The following RGS5 variants were observed in gnomAD, a reference collection of about 807,000 sequenced individuals.
The protein encoded by RGS5 is regulator of G protein signaling 5, also known as regulator of G-protein signalling 5.
RGS5 carries 20 observed loss-of-function variants against 18.9 expected under a neutral mutation model. The observed-to-expected ratio is 1.06, with a 90% CI of 0.74 to 1.54. The LOEUF (loss-of-function observed/expected upper bound fraction) is 1.54. Among genes scored for constraint, RGS5 ranks in the 40% most tolerant of loss-of-function variants. RGS5 has a pLI of 0.00. For synonymous variants in RGS5, 57 were observed against 76.2 expected (o/e 0.75, Z 1.31); for missense variants, 201 against 211.8 (o/e 0.95, Z 0.32).
chr1:163,204,914 G>A (rs920592297), upstream of RGS5, among the ~76,000 whole-genome samples: 2 of 152,150 alleles, frequency 1.3e-5, no homozygotes, highest in Non-Finnish European at 2.9e-5. Context: ...ATGTCTTGGC[G>A]AGGGCTAAAA....
intron 2 of RGS5, among the ~76,000 whole-genome samples, chr1:163,288,249 A>C (rs1553227004): frequency 6.6e-6 from 1 of 152,196 alleles, no homozygotes. Flanking sequence ...TATTTAAACA[A>C]AAAGATATAA....
chr1:163,176,315 T>G (rs1160876348), intron 1 of RGS5, among the ~76,000 whole-genome samples: 1 of 152,154 alleles, frequency 6.6e-6, no homozygotes, highest in Non-Finnish European at 1.5e-5. Context: ...CTTAGGACCA[T>G]GGTGGACAGA....
At chr1:163,263,119 G>C (rs1648494121) in intron 2 of RGS5, among the ~76,000 whole-genome samples, 2 of 152,082 alleles carry the variant, frequency 1.3e-5, no homozygotes, top group Admixed American at 1.3e-4. Flanking sequence ...ATGCAGTCTG[G>C]GCAGCTGTAA....
rs142142211 is a variant in RGS5 at position 163,267,938 on chromosome 1, T to C, written c.-281+38295A>G. On this transcript the variant is annotated intron_variant, in intron 2 of 5. Coordinates refer to the RGS5 transcript ENST00000618415. ...GAGCTGAATAATAAATTTTCTCCAA[T>C]TAAAATAATAGCTTGCTCCCAGGTG... Among the ~76,000 whole-genome samples the C allele has an allele frequency of 2.4e-4, 37 of 152,248 alleles. No individual in the cohort carries two copies. The East Asian group carries it at 6.2e-3, about 25-fold the overall frequency.
intron 1 of RGS5, among the ~76,000 whole-genome samples, chr1:163,177,486 G>T (rs1658606414): frequency 6.6e-6 from 1 of 152,144 alleles, no homozygotes; most frequent in Non-Finnish European, 1.5e-5. Flanking sequence ...ATTATGCATA[G>T]GGTGGTCTTG....
chr1:163,154,016 C>T (rs1427694896), intron 3 of RGS5, among the ~76,000 whole-genome samples: 1 of 152,122 alleles, frequency 6.6e-6, no homozygotes, highest in Non-Finnish European at 1.5e-5. Flanking sequence ...CTTTGCCCCC[C>T]AGGGCAGAAG....
intron 2 of RGS5, among the ~76,000 whole-genome samples, chr1:163,246,273 G>A (rs1010596920): frequency 2.1e-5 from 3 of 145,778 alleles, no homozygotes; most frequent in Non-Finnish European, 4.5e-5. Flanking sequence ...CAATAAAAAA[G>A]AATAGCCAAG....
chr1:163,209,263 A>G (rs1660042524), intron 1 of RGS5, among the ~76,000 whole-genome samples: 1 of 152,186 alleles, frequency 6.6e-6, no homozygotes, highest in Non-Finnish European at 1.5e-5. Flanking sequence ...TTTCTGAACT[A>G]TTCTTTTCCA....
chr1:163,199,824 A>G (rs1176314839), intron 1 of RGS5, among the ~76,000 whole-genome samples: 1 of 151,982 alleles, frequency 6.6e-6, no homozygotes, highest in Non-Finnish European at 1.5e-5. Flanking sequence ...ATTGATTTTT[A>G]GAGACAGGCT....
At chr1:163,179,446 T>C (rs1658711556) in intron 1 of RGS5, among the ~76,000 whole-genome samples, 1 of 152,202 alleles carries the variant, frequency 6.6e-6, no homozygotes, top group East Asian at 1.9e-4. Context: ...TATTATTACT[T>C]ACAGAAAGTC....
chr1:163,153,675 G>A (rs1657468740), intron 3 of RGS5, among the ~76,000 whole-genome samples: 1 of 150,908 alleles, frequency 6.6e-6, no homozygotes, highest in Admixed American at 6.6e-5. Context: ...TATAGATATA[G>A]CCTATTATAT....
chr1:163,318,765 C>T (rs1650097409), intron 1 of RGS5: 1 of 151,636 alleles, frequency 6.6e-6, no homozygotes, highest in African/African-American at 2.4e-5. Context: ...ATCAATGATA[C>T]CAAATGCAAA....
intron 1 of RGS5, among the ~76,000 whole-genome samples, chr1:163,208,652 A>C (rs1376732244): frequency 1.3e-5 from 2 of 152,064 alleles, no homozygotes; most frequent in Non-Finnish European, 2.9e-5. Flanking sequence ...AATTGACATA[A>C]ACAGCAAGAA....
intron 2 of RGS5, chr1:163,305,307 G>C (rs1429265848): frequency 1.3e-5 from 2 of 152,576 alleles, no homozygotes; most frequent in African/African-American, 4.8e-5. Context: ...TGTTGGTTTG[G>C]TGGTCTCTGT....
chr1:163,281,193 C>A (rs1274154977), intron 2 of RGS5, among the ~76,000 whole-genome samples: 1 of 152,128 alleles, frequency 6.6e-6, no homozygotes, highest in Non-Finnish European at 1.5e-5. Flanking sequence ...TGTGAGGCCT[C>A]CCCAGCCATA....
chr1:163,275,928 A>G (rs1648840702), intron 2 of RGS5, among the ~76,000 whole-genome samples: 1 of 152,138 alleles, frequency 6.6e-6, no homozygotes, highest in African/African-American at 2.4e-5. Flanking sequence ...AAATCCTCCA[A>G]ATCAAGAATG....
At chr1:163,171,321 T>C (rs976151857) in intron 1 of RGS5, among the ~76,000 whole-genome samples, 28 of 152,176 alleles carry the variant, frequency 1.8e-4, no homozygotes, top group Non-Finnish European at 2.9e-5. Context: ...CAAGGTGCAC[T>C]AGGACACAGT....
intron 2 of RGS5, among the ~76,000 whole-genome samples, chr1:163,272,764 C>G (rs1648752847): frequency 1.3e-5 from 2 of 152,010 alleles, no homozygotes; most frequent in South Asian, 2.1e-4. Context: ...TTCCACTGAT[C>G]TCAACTCTTT....
At chr1:163,314,702 G>T (rs927978388) in intron 1 of RGS5, among the ~76,000 whole-genome samples, 5 of 152,122 alleles carry the variant, frequency 3.3e-5, no homozygotes, top group Non-Finnish European at 5.9e-5. Context: ...CAACTCCCAA[G>T]GTGATATTAG....
Sources: allele counts gnomAD v4.1 joint callset (sites outside exome capture counted in the v4.1 genomes callset), GRCh38; gene constraint gnomAD v4.1.1; transcripts MANE v1.5; gene names NCBI Gene and HGNC (gene_info 2026-07-23, HGNC 2026-07-21).